Variants in PLAGL1 observed in about 807,000 individuals in gnomAD.
PLAGL1 encodes the protein PLAG1 like zinc finger 1.
PLAGL1 carries 1 observed loss-of-function variant against 4.6 expected under a neutral mutation model. The observed-to-expected ratio is 0.22, with a 90% CI of 0.08 to 1.03. The LOEUF is 1.03. Ranked by LOEUF, PLAGL1 falls within the 50% of genes least tolerant of loss-of-function variation. The pLI is 0.58. For synonymous variants in PLAGL1, 240 were observed against 237.8 expected (o/e 1.01, Z -0.08); for missense variants, 464 against 570.4 (o/e 0.81, Z 1.90).
At chr6:144,054,776 AGTGTGTGTGT>A (rs55975441) in intron 1 of PLAGL1, among the ~76,000 whole-genome samples, 18,312 of 142,140 alleles carry the variant, frequency 0.13, 1,346 homozygotes, top group African/African-American at 0.21. Context: ...ACTAAAAAAG[AGTGTGTGTGT>A]GTGTGTGTGT....
At position 143,985,694 on chromosome 6, in the gene PLAGL1, G is replaced by T. The variant is rs1229214033; in HGVS notation, c.-583-520C>A. ...ATACTTTTAGTTTTCTGCATTAAAGGTTTAGTTTAAGGAATACCTTCTCCA... is the reference window on the plus strand; with the variant it reads ...ATACTTTTAGTTTTCTGCATTAAAGTTTTAGTTTAAGGAATACCTTCTCCA... On this transcript the variant is annotated intron_variant, in intron 1 of 7. Coordinates refer to ENST00000674357, the MANE Select transcript of PLAGL1 (RefSeq NM_001317162.2). The surrounding 1 kb of genome is among the most constrained non-coding windows in gnomAD (Gnocchi z 4.4). Among the ~76,000 whole-genome samples, 4 of 151,806 alleles carry T rather than the reference G, an allele frequency of 2.6e-5. No homozygotes were observed. Among genetic ancestry groups the T allele is most frequent in the East Asian group, 3.9e-4 (2 of 5,174 alleles).
intron 6 of PLAGL1, among the ~76,000 whole-genome samples, chr6:143,956,896 C>A (rs1782262051): frequency 6.6e-6 from 1 of 152,202 alleles, no homozygotes; most frequent in African/African-American, 2.4e-5. Flanking sequence ...TCTGTCACCC[C>A]AGAAGTGCTT....
Position 144,027,094 on chromosome 6 carries a change from T to C in PLAGL1, c.-151+37374A>G, listed in dbSNP as rs145631843. ...AAAAAATTAGTCAGCCGCGGTGGCA[T>C]GCATCTGTGATCCCAGCTACTCAGG... is the stretch of plus-strand genomic sequence containing the variant. On this transcript the variant is annotated intron_variant, in intron 1 of 3. Coordinates refer to the PLAGL1 transcript ENST00000437412. The surrounding 1 kb of genome is among the most constrained non-coding windows in gnomAD (Gnocchi z 5.8). Among the ~76,000 whole-genome samples the C allele has an allele frequency of 6.6e-6, 1 of 151,816 alleles. No individual in the cohort carries two copies. The highest frequency in any genetic ancestry group is 1.5e-5 in the Non-Finnish European group (1 of 67,976).
chr6:143,962,726 A>C lies in PLAGL1; in HGVS notation c.-399+2061T>G, dbSNP rs555942613. ...ACATTGAACAAAGGGATTTCCTTCC[A>C]GTTTCAGCTCATTCACTTCTAGCGA... On this transcript the variant is annotated intron_variant, in intron 5 of 7. Transcript: ENST00000674357. The surrounding 1 kb of genome is among the most constrained non-coding windows in gnomAD (Gnocchi z 5.3). Among the ~76,000 whole-genome samples, 2 of 152,236 alleles carry C rather than the reference A, an allele frequency of 1.3e-5. No homozygotes were observed. The highest frequency in any genetic ancestry group is 2.1e-4 in the South Asian group (1 of 4,830).
Position 143,970,782 on chromosome 6 carries a change from C to T in PLAGL1, c.-543-1804G>A, listed in dbSNP as rs1785271846. 6.6e-6 allele frequency among the ~76,000 whole-genome samples: 1 copy of T among 152,150 alleles called. No individual in the cohort carries two copies. Among genetic ancestry groups the T allele is most frequent in the Non-Finnish European group, 1.5e-5 (1 of 68,014 alleles). On this transcript the variant is annotated intron_variant, in intron 2 of 7. Coordinates refer to ENST00000674357, the MANE Select transcript of PLAGL1 (RefSeq NM_001317162.2). The surrounding 1 kb of genome is among the most constrained non-coding windows in gnomAD (Gnocchi z 5.8). ...TCTTCTTGGATATTACAGCAGTCTT[C>T]AGTCTGAAGAAAAAGGCTCTTTTCT...
At position 144,049,829 on chromosome 6, in the gene PLAGL1, T is replaced by G. The variant is rs1362876678; in HGVS notation, c.-151+14639A>C. On this transcript the variant is annotated intron_variant, in intron 1 of 3. Transcript: ENST00000437412. ...GAGACACATGGAGGTTTGATAACTG[T>G]GTGACATACTTAGAAGGTGGCTCCA... Among the ~76,000 whole-genome samples, 5 of 152,198 alleles carry G rather than the reference T, an allele frequency of 3.3e-5. 1 individual carries two copies. Among genetic ancestry groups the G allele is most frequent in the Admixed American group, 6.5e-5 (1 of 15,282 alleles).
rs373528883 is a variant in PLAGL1 at position 143,941,213 on chromosome 6, C to T, written c.*211G>A. On this transcript the variant is annotated 3_prime_UTR_variant, in exon 8 of 8. Coordinates refer to ENST00000674357, the MANE Select transcript of PLAGL1 (RefSeq NM_001317162.2). The surrounding 1 kb of genome is among the most constrained non-coding windows in gnomAD (Gnocchi z 6.0). ...ATTTGCAGTTTGATTACAGAACACG[C>T]GTTCATTAAATTTGGTACAAAGCAT... 6 of 415,958 alleles carry T rather than the reference C, an allele frequency of 1.4e-5. No homozygotes were observed. Among genetic ancestry groups the T allele is most frequent in the African/African-American group, 8.1e-5 (4 of 49,138 alleles). 25.8% of individuals were successfully genotyped at this position (415,958 alleles called of 1,614,324 possible).
At position 144,034,258 on chromosome 6, in the gene PLAGL1, C is replaced by T. The variant is rs775082624; in HGVS notation, c.-151+30210G>A. 6.6e-6 allele frequency among the ~76,000 whole-genome samples: 1 copy of T among 152,206 alleles called. No individual in the cohort carries two copies. Among genetic ancestry groups the T allele is most frequent in the Admixed American group, 6.5e-5 (1 of 15,300 alleles). On this transcript the variant is annotated intron_variant, in intron 1 of 3. Coordinates refer to the PLAGL1 transcript ENST00000437412. The surrounding 1 kb of genome is among the most constrained non-coding windows in gnomAD (Gnocchi z 4.7). ...GGCTCTTCCATCTTTCTCTAGCTGCCAAGGCCCAGGCTGACAACCCCCCAA... is the reference window on the plus strand; with the variant it reads ...GGCTCTTCCATCTTTCTCTAGCTGCTAAGGCCCAGGCTGACAACCCCCCAA...
intron 1 of PLAGL1, among the ~76,000 whole-genome samples, chr6:144,058,760 T>C (rs1458828187): frequency 2.0e-5 from 3 of 152,226 alleles, no homozygotes; most frequent in Non-Finnish European, 4.4e-5. Flanking sequence ...TTATCTTTTT[T>C]GACTCCATGT....
In PLAGL1 at chr6:144,050,497, C is replaced by T. The variant is rs1798502818; in HGVS notation, c.-151+13971G>A. 6.6e-6 allele frequency among the ~76,000 whole-genome samples: 1 copy of T among 152,166 alleles called. No homozygotes were observed. Among genetic ancestry groups the T allele is most frequent in the Non-Finnish European group, 1.5e-5 (1 of 68,026 alleles). On this transcript the variant is annotated intron_variant, in intron 1 of 3. Transcript: ENST00000437412. This position sits in a 1 kb window ranked among gnomAD's most constrained non-coding sequence, Gnocchi z 4.3. ...TTCTTCTACACTCTTTTAAGGCTGT[C>T]TCTTCTCTATGTTTATGTCTCTATT...
intron 1 of PLAGL1, among the ~76,000 whole-genome samples, chr6:143,988,219 C>T (rs985176920): frequency 1.3e-5 from 2 of 152,210 alleles, no homozygotes; most frequent in Non-Finnish European, 2.9e-5. Flanking sequence ...CATTCTAGAA[C>T]ATCCTACAAG....
At chr6:143,993,799 T>C (rs981536297) in intron 1 of PLAGL1, among the ~76,000 whole-genome samples, 1 of 152,098 alleles carries the variant, frequency 6.6e-6, no homozygotes, top group African/African-American at 2.4e-5. Context: ...AAACCAGGAC[T>C]CATGCATGAC....
rs1786670755 is a variant in PLAGL1 at position 143,976,883 on chromosome 6, T to C, written c.-543-7905A>G. On this transcript the variant is annotated intron_variant, in intron 2 of 7. Transcript: ENST00000674357. ...TTGAGACCATTCTTCTCTTCTAACA[T>C]AGACATGTAGTGCTACAAATTCCTG... 2.6e-5 allele frequency among the ~76,000 whole-genome samples: 4 copies of C among 152,360 alleles called. No homozygotes were observed. The South Asian group carries it at 8.3e-4, about 32-fold the overall frequency.
chr6:143,987,534 G>A (rs1049571462), intron 1 of PLAGL1, among the ~76,000 whole-genome samples: 2 of 137,918 alleles, frequency 1.5e-5, no homozygotes, highest in African/African-American at 5.4e-5. Flanking sequence ...TCCCACCTTG[G>A]CCTCCCAAAG....
chr6:143,967,212 T>C (rs1283115093), intron 3 of PLAGL1: 2 of 152,182 alleles, frequency 1.3e-5, no homozygotes, highest in Non-Finnish European at 2.9e-5. Context: ...GATATCTATG[T>C]ATCTTGCAGA....
At position 143,964,345 on chromosome 6, in the gene PLAGL1, T is replaced by C. The variant is rs995367398; in HGVS notation, c.-399+442A>G. On this transcript the variant is annotated intron_variant, in intron 5 of 7. Transcript: ENST00000674357. This position sits in a 1 kb window ranked among gnomAD's most constrained non-coding sequence, Gnocchi z 4.3. ...TGGGTTCCTCATCTTCCAGAGGCCA[T>C]GAAAATCTCCAGGTCCTAGGACACA... Among the ~76,000 whole-genome samples the C allele has an allele frequency of 6.6e-6, 1 of 152,114 alleles. No homozygotes were observed. Among genetic ancestry groups the C allele is most frequent in the African/African-American group, 2.4e-5 (1 of 41,420 alleles).
At chr6:144,014,788 C>A (rs963829860) in intron 1 of PLAGL1, among the ~76,000 whole-genome samples, 26 of 152,046 alleles carry the variant, frequency 1.7e-4, no homozygotes, top group African/African-American at 6.3e-4. Context: ...CCACGTTGCC[C>A]AGGCTGGTCT....
chr6:144,042,494 T>C (rs1352294407), intron 1 of PLAGL1, among the ~76,000 whole-genome samples: 1 of 152,158 alleles, frequency 6.6e-6, no homozygotes, highest in Non-Finnish European at 1.5e-5. Flanking sequence ...AGATGTGTGC[T>C]GTTATTTCTG....
At chr6:144,029,982 G>C (rs532326440) in intron 1 of PLAGL1, among the ~76,000 whole-genome samples, 1 of 152,088 alleles carries the variant, frequency 6.6e-6, no homozygotes, top group Non-Finnish European at 1.5e-5. Context: ...GACTGGGCGC[G>C]GTGGCTCACG....
Sources: gnomAD v4.1 joint callset for allele counts (sites outside exome capture counted in the v4.1 genomes callset) on GRCh38, gnomAD v4.1.1 for gene constraint, Gnocchi (gnomAD v3.1) non-coding constraint, MANE v1.5 for transcripts, NCBI Gene and HGNC (gene_info 2026-07-23, HGNC 2026-07-21) for gene names.